Variants in MARCHF5 observed in about 807,000 individuals in gnomAD.
The protein encoded by MARCHF5 is membrane associated ring-CH-type finger 5, also known as E3 ubiquitin-protein ligase MARCHF5.
In MARCHF5, 5 loss-of-function variants were observed where a neutral mutation model predicts 36.5. The ratio of observed to expected loss-of-function variants is 0.14; its 90% CI spans 0.07 to 0.29. The LOEUF (loss-of-function observed/expected upper bound fraction) is 0.29, where lower values mean the gene tolerates loss of function less well. Among genes scored for constraint, MARCHF5 ranks in the 10% least tolerant of loss-of-function variants. The pLI is 1.00. For synonymous variants in MARCHF5, 103 were observed against 109.9 expected (o/e 0.94, Z 0.39); for missense variants, 179 against 336.3 (o/e 0.53, Z 3.66).
intron 2 of MARCHF5, among the ~76,000 whole-genome samples, chr10:92,336,903 G>A (rs923824826): frequency 1.5e-4 from 23 of 151,934 alleles, no homozygotes; most frequent in African/African-American, 5.3e-4. Context: ...TGGGCAGATC[G>A]CTTGAGCCTA....
intron 3 of MARCHF5, among the ~76,000 whole-genome samples, chr10:92,347,121 A>T (rs1361453964): frequency 6.6e-6 from 1 of 152,158 alleles, no homozygotes; most frequent in Non-Finnish European, 1.5e-5. Flanking sequence ...AGGTGGGAAG[A>T]TTGCTTGAGC....
chr10:92,313,240 AAAAAG>A (rs779610962), intron 2 of MARCHF5, among the ~76,000 whole-genome samples: 4 of 151,948 alleles, frequency 2.6e-5, no homozygotes, highest in Non-Finnish European at 5.9e-5. Context: ...ATCTCAAAGA[AAAAAG>A]AAAAGAGTAA....
At chr10:92,295,556 C>T (rs1337064828) in intron 1 of MARCHF5, among the ~76,000 whole-genome samples, 7 of 150,968 alleles carry the variant, frequency 4.6e-5, no homozygotes. Flanking sequence ...TACAGGCACC[C>T]GCCACTAAGG....
rs552223377 is a variant in MARCHF5 at position 92,350,774 on chromosome 10, A to G, written c.721-317A>G. ...ATCCCTTTGGCCTTTCTTGCTCCCA[A>G]CAGTGGCAGTCTGCACATAGTGCCC... On this transcript the variant is annotated intron_variant, in intron 5 of 5. Coordinates refer to ENST00000358935, the MANE Select transcript of MARCHF5 (RefSeq NM_017824.5). 3.7e-4 allele frequency among the ~76,000 whole-genome samples: 56 copies of G among 152,274 alleles called. No individual in the cohort carries two copies. In the South Asian group the frequency reaches 0.01, roughly 28 times the overall value.
chr10:92,308,153 G>A (rs1009955243), intron 1 of MARCHF5, among the ~76,000 whole-genome samples: 4 of 152,020 alleles, frequency 2.6e-5, no homozygotes, highest in African/African-American at 9.7e-5. Context: ...ATATTAGCCA[G>A]GATGGTCTCG....
intron 2 of MARCHF5, among the ~76,000 whole-genome samples, chr10:92,323,757 G>T (rs1475129479): frequency 1.3e-5 from 2 of 152,042 alleles, no homozygotes; most frequent in Admixed American, 1.3e-4. Context: ...TTTTAGTACT[G>T]AATACTCTTA....
intron 1 of MARCHF5, among the ~76,000 whole-genome samples, chr10:92,297,854 T>C (rs1266839307): frequency 6.6e-6 from 1 of 152,154 alleles, no homozygotes; most frequent in Non-Finnish European, 1.5e-5. Flanking sequence ...TTATTATTTT[T>C]CCTGATAATT....
At chr10:92,336,215 T>G (rs1003700169) in intron 2 of MARCHF5, among the ~76,000 whole-genome samples, 2 of 152,196 alleles carry the variant, frequency 1.3e-5, no homozygotes, top group East Asian at 3.9e-4. Context: ...GTTTGTATTT[T>G]TAGTAGAAAC....
chr10:92,310,596 G>GA (rs1371240730), intron 1 of MARCHF5, among the ~76,000 whole-genome samples: 2 of 151,222 alleles, frequency 1.3e-5, no homozygotes, highest in East Asian at 3.9e-4. Context: ...GTGCTTTTTT[G>GA]AAAATGTAAT....
chr10:92,321,951 T>C (rs765564113), intron 2 of MARCHF5, among the ~76,000 whole-genome samples: 4 of 151,822 alleles, frequency 2.6e-5, no homozygotes, highest in African/African-American at 4.8e-5. Context: ...TAGCTAAAGA[T>C]TTGTCAGGGT....
chr10:92,310,990 T>G lies in MARCHF5; in HGVS notation c.36-145T>G, dbSNP rs983457269. The G allele has an allele frequency of 2.0e-5, 12 of 611,536 alleles. No homozygotes were observed. In the East Asian group the frequency reaches 2.8e-4, roughly 14 times the overall value. 37.9% of individuals were successfully genotyped at this position (611,536 alleles called of 1,614,324 possible). ...ACTGCTCTAGTGGGAATGTATTGGT[T>G]GTTTTGTCTCCTTAGTCTTTTAATA... On this transcript the variant is annotated intron_variant, in intron 1 of 5. Transcript: ENST00000358935.
chr10:92,334,455 T>C (rs1843478804), intron 2 of MARCHF5: 1 of 152,470 alleles, frequency 6.6e-6, no homozygotes, highest in Non-Finnish European at 1.5e-5. Flanking sequence ...TATAGAATTA[T>C]GTTTCTCTGC....
At chr10:92,327,056 C>T (rs1269336855) in intron 2 of MARCHF5, among the ~76,000 whole-genome samples, 1 of 152,064 alleles carries the variant, frequency 6.6e-6, no homozygotes, top group East Asian at 1.9e-4. Flanking sequence ...CCTACACTTA[C>T]ACAGAATCTA....
intron 1 of MARCHF5, among the ~76,000 whole-genome samples, chr10:92,307,325 C>G (rs1843087840): frequency 6.6e-6 from 1 of 152,078 alleles, no homozygotes; most frequent in African/African-American, 2.4e-5. Flanking sequence ...TTTTTACATG[C>G]TTTAATTTCC....
intron 2 of MARCHF5, among the ~76,000 whole-genome samples, chr10:92,312,545 A>C (rs1400273637): frequency 6.6e-6 from 1 of 152,248 alleles, no homozygotes; most frequent in Non-Finnish European, 1.5e-5. Flanking sequence ...AGGAAAAGCA[A>C]TGATTGTTCA....
intron 2 of MARCHF5, among the ~76,000 whole-genome samples, chr10:92,324,374 A>G (rs1215608051): frequency 4.6e-5 from 7 of 151,640 alleles, no homozygotes; most frequent in Admixed American, 2.0e-4. Context: ...TTATTTATCT[A>G]TTTATGAGAC....
intron 1 of MARCHF5, 45 bp from the exon 2 acceptor site, chr10:92,311,090 A>T (rs1330663574): frequency 6.9e-7 from 1 of 1,448,220 alleles, no homozygotes; most frequent in Non-Finnish European, 9.7e-7. Context: ...AGGAGGCTGG[A>T]GTCCTAAAGA....
At chr10:92,343,605 T>C (rs1382586877) in intron 3 of MARCHF5, among the ~76,000 whole-genome samples, 1 of 152,228 alleles carries the variant, frequency 6.6e-6, no homozygotes, top group African/African-American at 2.4e-5. Context: ...GTTTCGCTCT[T>C]GTTGTCCAGG....
At chr10:92,345,656 T>C (rs900942716) in intron 3 of MARCHF5, among the ~76,000 whole-genome samples, 2 of 150,536 alleles carry the variant, frequency 1.3e-5, no homozygotes, top group African/African-American at 2.4e-5. Context: ...TCTCTAAACC[T>C]GCAATTCTAT....
Sources: allele counts gnomAD v4.1 joint callset (sites outside exome capture counted in the v4.1 genomes callset), GRCh38; gene constraint gnomAD v4.1.1; transcripts MANE v1.5; gene names NCBI Gene and HGNC (gene_info 2026-07-23, HGNC 2026-07-21).